FAT3: variants seen among roughly 807,000 people sequenced by gnomAD.
The protein encoded by FAT3 is protocadherin Fat 3.
In FAT3, 95 loss-of-function variants were observed where a neutral mutation model predicts 310.2. The ratio of observed to expected loss-of-function variants is 0.31; its 90% confidence interval spans 0.26 to 0.36. The LOEUF (loss-of-function observed/expected upper bound fraction) is 0.36, where lower values mean the gene tolerates loss of function less well. FAT3 is among the 10% of genes least tolerant of loss of function. FAT3 has a pLI of 1.00. For missense variants in FAT3, 5,408 were observed against 5,715.6 expected, an observed-to-expected ratio of 0.95 and a Z score of 1.74; for synonymous variants, 2,314 against 2,192.9, an observed-to-expected ratio of 1.06 and a Z score of -1.54.
At chr11:92,442,668 T>C (rs1156370104) in intron 2 of FAT3, among the ~76,000 whole-genome samples, 1 of 152,136 alleles carries the variant, frequency 6.6e-6, no homozygotes, top group Non-Finnish European at 1.5e-5. Flanking sequence ...TTCATCACTC[T>C]GTTTATCTGC....
chr11:92,378,813 C>A (rs1591196059), intron 2 of FAT3, among the ~76,000 whole-genome samples: 1 of 152,188 alleles, frequency 6.6e-6, no homozygotes, highest in African/African-American at 2.4e-5. Context: ...CTGGTGAGGA[C>A]CTGCTTTCTG....
intron 22 of FAT3, 132 bp downstream of exon 22, chr11:92,867,341 A>C (rs932951440): frequency 2.1e-5 from 20 of 957,122 alleles, no homozygotes; most frequent in Non-Finnish European, 3.0e-5. Flanking sequence ...ATGCTCGCCA[A>C]CCTTCTTAAT....
At chr11:92,639,710 G>A (rs1160408198) in intron 3 of FAT3, among the ~76,000 whole-genome samples, 8 of 152,142 alleles carry the variant, frequency 5.3e-5, no homozygotes, top group Admixed American at 5.2e-4. Context: ...TCTATTCATT[G>A]TATTGTGATT....
intron 2 of FAT3, among the ~76,000 whole-genome samples, chr11:92,392,053 A>G (rs1275237953): frequency 2.6e-5 from 4 of 151,988 alleles, no homozygotes; most frequent in African/African-American, 9.7e-5. Context: ...AGCAGCTATG[A>G]TTTCTCCCAT....
chr11:92,375,348 C>T (rs1949311396), intron 2 of FAT3, among the ~76,000 whole-genome samples: 1 of 151,812 alleles, frequency 6.6e-6, no homozygotes, highest in Admixed American at 6.6e-5. Context: ...GCCATGTTTC[C>T]CAGGCTGGTC....
At chr11:92,588,025 A>G (rs756761871) in intron 3 of FAT3, among the ~76,000 whole-genome samples, 1 of 151,970 alleles carries the variant, frequency 6.6e-6, no homozygotes, top group Non-Finnish European at 1.5e-5. Flanking sequence ...CACTTCTCTG[A>G]GTCTTCTAAA....
rs542975551 is a variant in FAT3 at position 92,597,688 on chromosome 11, G to A, written c.3607+72740G>A. ...CTTCTATTACATATTATTAATAACA[G>A]TATACAAAATGAAATGACCCAGGGA... is the stretch of plus-strand genomic sequence containing the variant. On this transcript the variant is annotated intron_variant, in intron 3 of 27. Transcript: ENST00000525166. Among the ~76,000 whole-genome samples, 1,499 of 152,174 alleles carry A rather than the reference G, an allele frequency of 9.9e-3. 33 individuals are homozygous for A. The highest frequency in any genetic ancestry group is 0.034 in the African/African-American group (1,407 of 41,504).
At chr11:92,496,558 A>G (rs1281470656) in intron 2 of FAT3, among the ~76,000 whole-genome samples, 1 of 151,856 alleles carries the variant, frequency 6.6e-6, no homozygotes, top group East Asian at 1.9e-4. Flanking sequence ...CTCCCCCTGC[A>G]CTTATTGTCA....
chr11:92,318,107 T>G (rs1947514082), intron 1 of FAT3, among the ~76,000 whole-genome samples: 1 of 152,146 alleles, frequency 6.6e-6, no homozygotes. Context: ...AACTCCATGG[T>G]GTAGAGGAGA....
chr11:92,814,687 C>T (rs1039854010), intron 13 of FAT3, among the ~76,000 whole-genome samples: 2 of 152,152 alleles, frequency 1.3e-5, no homozygotes, highest in African/African-American at 4.8e-5. Flanking sequence ...GGGAGGGGAA[C>T]ATTACACACT....
intron 1 of FAT3, chr11:92,336,300 A>T: frequency 4.2e-6 from 2 of 478,248 alleles, no homozygotes; most frequent in Non-Finnish European, 8.2e-6. Context: ...CTTCTCATAG[A>T]AGTTTTTGTC....
intron 1 of FAT3, among the ~76,000 whole-genome samples, chr11:92,247,095 C>T (rs145805570): frequency 2.6e-5 from 4 of 151,978 alleles, no homozygotes; most frequent in Non-Finnish European, 4.4e-5. Flanking sequence ...CTCAGTGATT[C>T]CAGCGACGTG....
intron 7 of FAT3, among the ~76,000 whole-genome samples, chr11:92,787,347 C>G (rs1946921715): frequency 6.6e-6 from 1 of 151,884 alleles, no homozygotes; most frequent in Non-Finnish European, 1.5e-5. Context: ...GAATATATCT[C>G]TTTTGTAAAT....
At chr11:92,852,689 T>C (rs1948862900) in intron 19 of FAT3, among the ~76,000 whole-genome samples, 1 of 152,234 alleles carries the variant, frequency 6.6e-6, no homozygotes. Context: ...ATATTGATAT[T>C]ATTCATCTTA....
chr11:92,733,893 G>C (rs79493849), intron 4 of FAT3, among the ~76,000 whole-genome samples: 1,699 of 152,180 alleles, frequency 0.011, 38 homozygotes, highest in African/African-American at 0.039. Context: ...TTTTTGAAAG[G>C]TTTTCTAATA....
intron 3 of FAT3, among the ~76,000 whole-genome samples, chr11:92,581,657 G>C (rs895239370): frequency 6.6e-6 from 1 of 152,002 alleles, no homozygotes; most frequent in African/African-American, 2.4e-5. Flanking sequence ...TCTGCCAAGG[G>C]GGGGGATTAT....
chr11:92,595,854 G>A (rs1162379354), intron 3 of FAT3, among the ~76,000 whole-genome samples: 1 of 152,198 alleles, frequency 6.6e-6, no homozygotes, highest in Non-Finnish European at 1.5e-5. Flanking sequence ...TCAGGTGCCT[G>A]AGACTAACTC....
chr11:92,419,178 T>A (rs1348380249), intron 2 of FAT3, among the ~76,000 whole-genome samples: 2 of 152,190 alleles, frequency 1.3e-5, no homozygotes, highest in Non-Finnish European at 2.9e-5. Flanking sequence ...AGAGCTACTA[T>A]GTGACCTCTG....
At position 92,413,338 on chromosome 11, in the gene FAT3, T is replaced by TA. The variant is rs573397434; in HGVS notation, c.3292+57935dup. Among the ~76,000 whole-genome samples the TA allele has an allele frequency of 2.3e-3, 346 of 152,264 alleles. 1 individual carries two copies. The highest frequency in any genetic ancestry group is 4.1e-3 in the Non-Finnish European group (281 of 68,004). ...GAAATTTACTGTGCTGATAAGGTGTTATATATAAAAGAACGTAGTAGGTGT... is the reference window on the plus strand; with the variant it reads ...GAAATTTACTGTGCTGATAAGGTGTTAATATATAAAAGAACGTAGTAGGTGT... On this transcript the variant is annotated intron_variant, in intron 2 of 27. Transcript: ENST00000525166.
Sources: allele counts gnomAD v4.1 joint callset (sites outside exome capture counted in the v4.1 genomes callset), GRCh38; gene constraint gnomAD v4.1.1; transcripts MANE v1.5; gene names NCBI Gene and HGNC (gene_info 2026-07-23, HGNC 2026-07-21).